ATRNL1: variants seen among roughly 807,000 people sequenced by gnomAD.
ATRNL1 encodes the protein attractin like 1.
In ATRNL1, 95 loss-of-function variants were observed where a neutral mutation model predicts 182.7. The ratio of observed to expected loss-of-function variants is 0.52; its 90% CI spans 0.44 to 0.62. The LOEUF (loss-of-function observed/expected upper bound fraction) is 0.62. Among genes scored for constraint, ATRNL1 ranks in the 20% least tolerant of loss-of-function variants. The probability of loss-of-function intolerance (pLI) is 0.00; values close to 1 mark genes in which losing one functional copy is unlikely to be tolerated. For synonymous variants in ATRNL1, 576 were observed against 568.3 expected (o/e 1.01, Z -0.19); for missense variants, 1,471 against 1,679.5 (o/e 0.88, Z 2.17).
intron 27 of ATRNL1, among the ~76,000 whole-genome samples, chr10:115,758,611 G>C (rs1275008949): frequency 2.6e-5 from 4 of 152,222 alleles, no homozygotes; most frequent in African/African-American, 9.6e-5. Context: ...GGGTGTCAGG[G>C]ACCCACTTGA....
At chr10:115,331,843 G>C (rs1810270099) in intron 18 of ATRNL1, among the ~76,000 whole-genome samples, 1 of 152,090 alleles carries the variant, frequency 6.6e-6, no homozygotes, top group Admixed American at 6.5e-5. Context: ...GTGATCATGG[G>C]AGATCCATAT....
intron 22 of ATRNL1, among the ~76,000 whole-genome samples, chr10:115,465,950 G>C (rs1848033471): frequency 6.6e-6 from 1 of 151,534 alleles, no homozygotes; most frequent in South Asian, 2.1e-4. Context: ...TAGAGAATAA[G>C]CTGTTCTTCC....
At chr10:115,851,257 G>A (rs1951048735) in intron 28 of ATRNL1, among the ~76,000 whole-genome samples, 1 of 152,300 alleles carries the variant, frequency 6.6e-6, no homozygotes, top group East Asian at 1.9e-4. Flanking sequence ...CATCCTATGA[G>A]CATGGTGGAT....
chr10:115,294,887 G>A (rs1205556897), intron 15 of ATRNL1, among the ~76,000 whole-genome samples: 1 of 152,182 alleles, frequency 6.6e-6, no homozygotes, highest in African/African-American at 2.4e-5. Context: ...TTTGCAAAGA[G>A]AGTTTGTAGC....
rs139316073 is a variant in ATRNL1 at position 115,581,242 on chromosome 10, C to CT, written c.3795+31714dup. On this transcript the variant is annotated intron_variant, in intron 26 of 28. Transcript: ENST00000355044. The stretch of plus-strand genomic sequence containing the variant: ...CCAACTTTTATGCTTATCTTAATCT[C>CT]TTTTTTTTCAGTGATCCCCAATTAG... Among the ~76,000 whole-genome samples, 607 of 151,714 alleles carry CT rather than the reference C, an allele frequency of 4.0e-3. 12 individuals are homozygous for CT. The East Asian group carries it at 0.054, about 13-fold the overall frequency.
At chr10:115,758,572 G>A (rs1948652092) in intron 27 of ATRNL1, among the ~76,000 whole-genome samples, 1 of 152,214 alleles carries the variant, frequency 6.6e-6, no homozygotes, top group Non-Finnish European at 1.5e-5. Flanking sequence ...GGCTCCTACT[G>A]GGAGGTGTCT....
chr10:115,693,707 C>T (rs1045754151), intron 26 of ATRNL1, among the ~76,000 whole-genome samples: 4 of 151,990 alleles, frequency 2.6e-5, no homozygotes, highest in South Asian at 2.1e-4. Context: ...GTTACTGTAC[C>T]GAATGCTGTA....
intron 15 of ATRNL1, among the ~76,000 whole-genome samples, chr10:115,295,950 A>G (rs1554922450): frequency 1.3e-5 from 2 of 152,084 alleles, no homozygotes; most frequent in Non-Finnish European, 2.9e-5. Context: ...TCTGGTCTCA[A>G]CATGGCACCA....
intron 1 of ATRNL1, among the ~76,000 whole-genome samples, chr10:115,119,960 G>T (rs1450379447): frequency 6.6e-6 from 1 of 151,954 alleles, no homozygotes; most frequent in Non-Finnish European, 1.5e-5. Context: ...AAATTGAAAT[G>T]GTCATGATAT....
At chr10:115,596,709 C>T (rs1410107951) in intron 26 of ATRNL1, among the ~76,000 whole-genome samples, 1 of 152,156 alleles carries the variant, frequency 6.6e-6, no homozygotes, top group Non-Finnish European at 1.5e-5. Flanking sequence ...TGACATTTAA[C>T]ATGATAGACT....
intron 24 of ATRNL1, among the ~76,000 whole-genome samples, chr10:115,476,676 A>C (rs1022313384): frequency 2.6e-5 from 4 of 151,372 alleles, no homozygotes; most frequent in Non-Finnish European, 5.9e-5. Context: ...TCAGCTCTCC[A>C]AATATCTATC....
chr10:115,160,116 T>C lies in ATRNL1; in HGVS notation c.906T>C (p.Ser302=). Residue 302 remains serine, a synonymous_variant, in exon 6 of 29, where the codon TCT becomes TCC. Transcript: ENST00000355044. ...CAAACGTTAAACCCTTCAGTCCTTCTGTAGGTCGGGCTTCACATAAAGCAG... is the reference window on the plus strand; with the variant it reads ...CAAACGTTAAACCCTTCAGTCCTTCCGTAGGTCGGGCTTCACATAAAGCAG... ...ILPNVKPFSP[S]VGRASHKAVL... is the part of the protein sequence containing the mutation. 1.2e-6 allele frequency: 2 copies of C among 1,612,616 alleles called. No homozygotes were observed. The highest frequency in any genetic ancestry group is 1.7e-6 in the Non-Finnish European group (2 of 1,179,044).
chr10:115,527,816 TCCTTCCTTCCTC>T (rs1851306021), intron 25 of ATRNL1, among the ~76,000 whole-genome samples: 1 of 125,780 alleles, frequency 8.0e-6, no homozygotes, highest in Middle Eastern at 3.9e-3. Context: ...CTCCCTTCCT[TCCTTCCTTCCTC>T]CCTTCCTCCC....
At chr10:115,454,711 A>T (rs1554968350) in intron 21 of ATRNL1, among the ~76,000 whole-genome samples, 1 of 152,052 alleles carries the variant, frequency 6.6e-6, no homozygotes, top group African/African-American at 2.4e-5. Context: ...TTGCTAGTGT[A>T]TAGCAATGCA....
chr10:115,794,460 A>G (rs1440229632), intron 27 of ATRNL1, among the ~76,000 whole-genome samples: 2 of 152,202 alleles, frequency 1.3e-5, no homozygotes, highest in African/African-American at 4.8e-5. Flanking sequence ...TAGCAAAAGA[A>G]TCTAGTTTAG....
chr10:115,823,941 T>C (rs1950364383), intron 27 of ATRNL1, among the ~76,000 whole-genome samples: 1 of 152,168 alleles, frequency 6.6e-6, no homozygotes, highest in African/African-American at 2.4e-5. Flanking sequence ...AAATTTCATA[T>C]GGAACCAAAA....
intron 27 of ATRNL1, among the ~76,000 whole-genome samples, chr10:115,836,247 C>A (rs1334268354): frequency 6.6e-6 from 1 of 152,096 alleles, no homozygotes; most frequent in Non-Finnish European, 1.5e-5. Flanking sequence ...GAATGGCCCC[C>A]AAATAGGGGA....
At chr10:115,110,373 G>T (rs1844206371) in intron 1 of ATRNL1, among the ~76,000 whole-genome samples, 1 of 152,196 alleles carries the variant, frequency 6.6e-6, no homozygotes, top group Non-Finnish European at 1.5e-5. Flanking sequence ...GTTTGAAGAT[G>T]GAGGGAGCCA....
At chr10:115,827,788 C>G (rs914404952) in intron 27 of ATRNL1, among the ~76,000 whole-genome samples, 1 of 152,248 alleles carries the variant, frequency 6.6e-6, no homozygotes, top group East Asian at 1.9e-4. Flanking sequence ...CACAAGGGAG[C>G]TTTCCTGGAC....
Sources: gnomAD v4.1 joint callset for allele counts (sites outside exome capture counted in the v4.1 genomes callset) on GRCh38, gnomAD v4.1.1 for gene constraint, MANE v1.5 for transcripts, NCBI Gene and HGNC (gene_info 2026-07-23, HGNC 2026-07-21) for gene names.